KATNA1: variants seen among roughly 807,000 people sequenced by gnomAD.
KATNA1 encodes the protein katanin p60 ATPase-containing subunit A1.
In KATNA1, 42 loss-of-function variants were observed where a neutral mutation model predicts 62.6. The observed-to-expected ratio is 0.67, with a 90% CI of 0.52 to 0.87. KATNA1 has a LOEUF of 0.87. Ranked by LOEUF, KATNA1 falls within the 40% of genes least tolerant of loss-of-function variation. KATNA1 has a pLI of 0.00. For missense variants in KATNA1, 498 were observed against 612.5 expected (o/e 0.81, Z 1.97); for synonymous variants, 186 against 201.9 (o/e 0.92, Z 0.67).
At chr6:149,635,765 G>C (rs1333546224) in intron 2 of KATNA1, among the ~76,000 whole-genome samples, 1 of 150,368 alleles carries the variant, frequency 6.7e-6, no homozygotes, top group African/African-American at 2.4e-5. Flanking sequence ...ACCACAATAA[G>C]AAAATGGTAG....
intron 7 of KATNA1, among the ~76,000 whole-genome samples, chr6:149,599,583 C>T (rs71568283): frequency 9.0e-6 from 1 of 110,570 alleles, no homozygotes; most frequent in Non-Finnish European, 2.2e-5. Flanking sequence ...CCTCTCCCCT[C>T]TCCCTCTCTC....
intron 1 of KATNA1, among the ~76,000 whole-genome samples, chr6:149,647,022 T>C (rs9767555): frequency 0.35 from 53,471 of 152,020 alleles, 11,043 homozygotes; most frequent in East Asian, 0.81. Context: ...GAGAATCCCT[T>C]GTGGACTACA....
At chr6:149,641,442 C>G (rs148611471) in intron 1 of KATNA1, among the ~76,000 whole-genome samples, 3 of 151,934 alleles carry the variant, frequency 2.0e-5, no homozygotes, top group African/African-American at 7.3e-5. Context: ...TCCCAGAGTG[C>G]TGGGATTACA....
chr6:149,619,419 A>C (rs1779308778), intron 4 of KATNA1, among the ~76,000 whole-genome samples: 1 of 152,068 alleles, frequency 6.6e-6, no homozygotes, highest in Non-Finnish European at 1.5e-5. Flanking sequence ...TCGAGACCAG[A>C]CTGGGCAACA....
At chr6:149,606,794 A>G (rs1778758091) in intron 4 of KATNA1, among the ~76,000 whole-genome samples, 1 of 151,984 alleles carries the variant, frequency 6.6e-6, no homozygotes, top group East Asian at 1.9e-4. Flanking sequence ...AACTTTTTAT[A>G]TTTTTAGTAG....
intron 4 of KATNA1, among the ~76,000 whole-genome samples, chr6:149,608,551 C>A (rs1218095327): frequency 6.6e-6 from 1 of 152,190 alleles, no homozygotes; most frequent in Non-Finnish European, 1.5e-5. Flanking sequence ...GCAGCAAAGG[C>A]AGGGTGGAAG....
chr6:149,626,334 G>A (rs1311430660), intron 3 of KATNA1, among the ~76,000 whole-genome samples: 2 of 108,188 alleles, frequency 1.8e-5, no homozygotes, highest in African/African-American at 7.8e-5. Context: ...TCGTTCTGTC[G>A]CCCAGGCGGG....
At chr6:149,636,294 G>A (rs565862737) in intron 2 of KATNA1, among the ~76,000 whole-genome samples, 27 of 151,886 alleles carry the variant, frequency 1.8e-4, no homozygotes, top group Admixed American at 4.6e-4. Flanking sequence ...TTACTAGGCC[G>A]AGCATGGTGA....
At chr6:149,626,485 G>A (rs1272062307) in intron 3 of KATNA1, among the ~76,000 whole-genome samples, 1 of 146,634 alleles carries the variant, frequency 6.8e-6, no homozygotes, top group African/African-American at 2.5e-5. Flanking sequence ...TAGTAGAGAC[G>A]GGGTTTCACC....
At chr6:149,600,817 C>T (rs1300450950) in intron 7 of KATNA1, among the ~76,000 whole-genome samples, 2 of 149,802 alleles carry the variant, frequency 1.3e-5, no homozygotes, top group East Asian at 4.0e-4. Context: ...TGGCTCATGT[C>T]CATCATCCCA....
intron 2 of KATNA1, among the ~76,000 whole-genome samples, chr6:149,634,336 T>C (rs985398317): frequency 1.7e-5 from 2 of 118,290 alleles, no homozygotes; most frequent in Admixed American, 8.5e-5. Flanking sequence ...GCATAACAAA[T>C]TGAAAAGTTA....
At chr6:149,604,442 G>A (rs1404675104) in intron 5 of KATNA1, among the ~76,000 whole-genome samples, 1 of 152,176 alleles carries the variant, frequency 6.6e-6, no homozygotes, top group Middle Eastern at 3.4e-3. Flanking sequence ...CTCCAGCCTG[G>A]GCAATAAAGT....
chr6:149,597,676 T>C (rs756629871), intron 8 of KATNA1, 35 bp from the exon 9 acceptor site: 17 of 1,587,524 alleles, frequency 1.1e-5, no homozygotes, highest in Middle Eastern at 1.7e-4. Flanking sequence ...GAAAAAGATA[T>C]TAAGTTGGAT....
intron 4 of KATNA1, among the ~76,000 whole-genome samples, chr6:149,608,717 A>T (rs1778833541): frequency 6.6e-6 from 1 of 152,162 alleles, no homozygotes; most frequent in African/African-American, 2.4e-5. Context: ...TCCCCGCCAC[A>T]GTCACTGGAC....
intron 3 of KATNA1, among the ~76,000 whole-genome samples, chr6:149,625,705 A>C (rs1162214064): frequency 6.6e-6 from 1 of 151,582 alleles, no homozygotes; most frequent in Non-Finnish European, 1.5e-5. Flanking sequence ...AGGCCGAGGC[A>C]GGTGGATCAC....
intron 2 of KATNA1, among the ~76,000 whole-genome samples, chr6:149,637,315 G>C (rs994930250): frequency 6.6e-6 from 1 of 152,148 alleles, no homozygotes; most frequent in East Asian, 1.9e-4. Flanking sequence ...AGGAGGCTGA[G>C]GTGGGAGGAT....
chr6:149,626,462 T>C (rs1779614842), intron 3 of KATNA1, among the ~76,000 whole-genome samples: 1 of 146,950 alleles, frequency 6.8e-6, no homozygotes, highest in Admixed American at 6.8e-5. Context: ...GCCCGGCTAA[T>C]TTTTTGTATT....
At position 149,595,933 on chromosome 6, in the gene KATNA1, C is replaced by A. The variant is rs985182161; in HGVS notation, c.1278-699G>T. ...GCTGGATTAAAGACATTCTTTTTTT[C>A]TTTTTACTGCTATTCTGTCACATTT... On this transcript the variant is annotated intron_variant, in intron 10 of 10. Transcript: ENST00000367411. Among the ~76,000 whole-genome samples, 18 of 151,980 alleles carry A rather than the reference C, an allele frequency of 1.2e-4. 1 individual carries two copies. The highest frequency in any genetic ancestry group is 3.1e-4 in the African/African-American group (13 of 41,402).
At chr6:149,598,129 G>T in intron 8 of KATNA1, 95 bp downstream of exon 8, 1 of 1,390,028 alleles carries the variant, frequency 7.2e-7, no homozygotes. Context: ...TAAAAGCTTG[G>T]GTTAGCACTA....
Sources: allele counts gnomAD v4.1 joint callset (sites outside exome capture counted in the v4.1 genomes callset), GRCh38; gene constraint gnomAD v4.1.1; transcripts MANE v1.5; gene names NCBI Gene and HGNC (gene_info 2026-07-23, HGNC 2026-07-21).